AKT3: variants seen among roughly 807,000 people sequenced by gnomAD.
AKT3 encodes AKT serine/threonine kinase 3, also known as RAC-gamma serine/threonine-protein kinase.
In AKT3, 15 loss-of-function variants were observed where a neutral mutation model predicts 65.3. The ratio of observed to expected loss-of-function variants is 0.23; its 90% CI spans 0.15 to 0.35. The LOEUF (loss-of-function observed/expected upper bound fraction) is 0.35, where lower values mean the gene tolerates loss of function less well. Ranked by LOEUF, AKT3 falls within the 10% of genes least tolerant of loss-of-function variation. AKT3 has a pLI of 1.00. For missense variants in AKT3, 243 were observed against 576.5 expected (o/e 0.42, Z 5.92); for synonymous variants, 206 against 183.8 (o/e 1.12, Z -0.98).
At chr1:243,590,566 C>G (rs1001702520) in intron 8 of AKT3, among the ~76,000 whole-genome samples, 1 of 151,990 alleles carries the variant, frequency 6.6e-6, no homozygotes, top group African/African-American at 2.4e-5. Context: ...TAGATACTGA[C>G]TTCAAAATAG....
chr1:243,584,022 T>C (rs763629509), intron 8 of AKT3, among the ~76,000 whole-genome samples: 1 of 152,112 alleles, frequency 6.6e-6, no homozygotes, highest in African/African-American at 2.4e-5. Flanking sequence ...AATGAAATGA[T>C]GAAGCCAAAA....
chr1:243,593,671 G>A (rs1350257135), intron 8 of AKT3, among the ~76,000 whole-genome samples: 4 of 152,110 alleles, frequency 2.6e-5, no homozygotes, highest in Admixed American at 6.6e-5. Flanking sequence ...CTGCCTAGGC[G>A]ACAGAGTGAG....
At chr1:243,561,215 G>T (rs560332012) in intron 10 of AKT3, among the ~76,000 whole-genome samples, 1 of 152,038 alleles carries the variant, frequency 6.6e-6, no homozygotes, top group Non-Finnish European at 1.5e-5. Context: ...TAGTTGAAAA[G>T]AAGTATTAGA....
intron 2 of AKT3, among the ~76,000 whole-genome samples, chr1:243,810,713 G>A (rs1448136187): frequency 4.6e-5 from 7 of 152,108 alleles, no homozygotes; most frequent in African/African-American, 2.4e-5. Flanking sequence ...GCCTGGCAGA[G>A]ACACAACAAA....
chr1:243,632,834 C>T (rs146946801), intron 6 of AKT3, among the ~76,000 whole-genome samples: 48 of 152,322 alleles, frequency 3.2e-4, no homozygotes, highest in African/African-American at 1.1e-3. Context: ...CACACGCCAA[C>T]CTTTCCTAGC....
intron 2 of AKT3, among the ~76,000 whole-genome samples, chr1:243,698,733 A>C (rs922959361): frequency 6.6e-6 from 1 of 152,090 alleles, no homozygotes; most frequent in Non-Finnish European, 1.5e-5. Context: ...TTTTTAAATA[A>C]TTTTAAATTG....
chr1:243,839,880 A>G (rs1254385491), intron 2 of AKT3, among the ~76,000 whole-genome samples: 1 of 151,770 alleles, frequency 6.6e-6, no homozygotes, highest in Admixed American at 6.6e-5. Flanking sequence ...AAAAAAAAAA[A>G]AACAGAAAAT....
At chr1:243,771,369 G>A (rs754973057) in intron 2 of AKT3, among the ~76,000 whole-genome samples, 1 of 152,050 alleles carries the variant, frequency 6.6e-6, no homozygotes, top group African/African-American at 2.4e-5. Flanking sequence ...TCTATTCTGT[G>A]CAGAACCTAA....
At chr1:243,492,449 C>G (rs1433774185) in intron 13 of AKT3, among the ~76,000 whole-genome samples, 3 of 151,210 alleles carry the variant, frequency 2.0e-5, no homozygotes, top group Admixed American at 2.0e-4. Flanking sequence ...TTACAGGCAC[C>G]CACCACCACA....
At chr1:243,756,146 T>A (rs1043922341) in intron 2 of AKT3, among the ~76,000 whole-genome samples, 2 of 152,232 alleles carry the variant, frequency 1.3e-5, no homozygotes, top group African/African-American at 2.4e-5. Context: ...CAATACAAAT[T>A]CAGTTTTTAA....
At chr1:243,693,243 GATATAT>G (rs1172388560) in intron 3 of AKT3, among the ~76,000 whole-genome samples, 52 of 45,368 alleles carry the variant, frequency 1.1e-3, no homozygotes, top group South Asian at 2.8e-3. Context: ...GCTACAATTT[GATATAT>G]ATATATATAT....
chr1:243,687,985 C>G (rs1684444594), intron 3 of AKT3: 1 of 151,968 alleles, frequency 6.6e-6, no homozygotes, highest in Non-Finnish European at 1.5e-5. Flanking sequence ...ATATAACTTT[C>G]CATTTGTCTA....
intron 4 of AKT3, among the ~76,000 whole-genome samples, chr1:243,662,447 A>G (rs1310403876): frequency 1.3e-5 from 2 of 151,514 alleles, no homozygotes; most frequent in African/African-American, 4.8e-5. Context: ...TCAGTAAACT[A>G]TCGCAAGGAC....
At chr1:243,765,351 A>C (rs1311210463) in intron 2 of AKT3, among the ~76,000 whole-genome samples, 4 of 152,138 alleles carry the variant, frequency 2.6e-5, no homozygotes, top group Non-Finnish European at 5.9e-5. Flanking sequence ...AGAAAAAAAA[A>C]TACTACTATT....
intron 2 of AKT3, among the ~76,000 whole-genome samples, chr1:243,825,419 A>T (rs1027101652): frequency 1.3e-5 from 2 of 152,256 alleles, no homozygotes; most frequent in African/African-American, 4.8e-5. Context: ...TCACAATGAC[A>T]ACTATTCAAA....
intron 5 of AKT3, among the ~76,000 whole-genome samples, chr1:243,642,336 G>A (rs897600188): frequency 6.6e-6 from 1 of 152,190 alleles, no homozygotes; most frequent in Non-Finnish European, 1.5e-5. Flanking sequence ...TTGAGACGGA[G>A]TCTCGCTCTG....
intron 2 of AKT3, among the ~76,000 whole-genome samples, chr1:243,831,620 T>C (rs935257079): frequency 2.0e-5 from 3 of 152,152 alleles, no homozygotes; most frequent in African/African-American, 7.2e-5. Flanking sequence ...ATAGAAACTA[T>C]GGAAACAGTT....
chr1:243,656,930 TAAGAA>T (rs1261404860), intron 4 of AKT3, among the ~76,000 whole-genome samples: 4 of 151,990 alleles, frequency 2.6e-5, no homozygotes, highest in African/African-American at 9.7e-5. Context: ...TCCAATAAAT[TAAGAA>T]AAAAGGTATA....
intron 2 of AKT3, among the ~76,000 whole-genome samples, chr1:243,720,638 A>G (rs911678536): frequency 3.9e-5 from 6 of 152,128 alleles, no homozygotes; most frequent in African/African-American, 2.4e-5. Flanking sequence ...TGTTAATATC[A>G]TAATATTATC....
Sources: allele counts gnomAD v4.1 joint callset (sites outside exome capture counted in the v4.1 genomes callset), GRCh38; gene constraint gnomAD v4.1.1; transcripts MANE v1.5; gene names NCBI Gene and HGNC (gene_info 2026-07-23, HGNC 2026-07-21).